Variants in MRPL1 observed in about 807,000 individuals in gnomAD.
MRPL1 encodes mitochondrial ribosomal protein L1, also known as large ribosomal subunit protein uL1m.
In MRPL1, 28 loss-of-function variants were observed where a neutral mutation model predicts 38.0. The ratio of observed to expected loss-of-function variants is 0.74; its 90% CI spans 0.55 to 1.01. MRPL1 has a LOEUF of 1.01. MRPL1 is among the 50% of genes least tolerant of loss of function. MRPL1 has a pLI of 0.00. For synonymous variants in MRPL1, 123 were observed against 126.7 expected, an observed-to-expected ratio of 0.97 and a Z score of 0.20; for missense variants, 358 against 389.8, an observed-to-expected ratio of 0.92 and a Z score of 0.69.
At chr4:77,931,737 C>T (rs1226316717) in intron 7 of MRPL1, among the ~76,000 whole-genome samples, 1 of 152,188 alleles carries the variant, frequency 6.6e-6, no homozygotes, top group African/African-American at 2.4e-5. Context: ...GGACAGCTTT[C>T]TGGTTTCACT....
At chr4:77,944,302 C>G (rs1737203403) in intron 7 of MRPL1, among the ~76,000 whole-genome samples, 1 of 152,224 alleles carries the variant, frequency 6.6e-6, no homozygotes. Context: ...CCTGTCGCAG[C>G]AATCCACTTC....
intron 5 of MRPL1, among the ~76,000 whole-genome samples, chr4:77,892,385 C>T (rs11942975): frequency 0.54 from 82,388 of 151,932 alleles, 22,657 homozygotes; most frequent in Admixed American, 0.58. Context: ...CAACCTTCCT[C>T]GGCCTCCCAA....
intron 4 of MRPL1, among the ~76,000 whole-genome samples, chr4:77,886,953 C>T (rs1399576917): frequency 2.6e-5 from 4 of 151,702 alleles, no homozygotes; most frequent in African/African-American, 7.3e-5. Context: ...CCACCACGTC[C>T]GGCCAATTTT....
intron 7 of MRPL1, among the ~76,000 whole-genome samples, chr4:77,948,783 T>C (rs1737336044): frequency 6.6e-6 from 1 of 151,774 alleles, no homozygotes; most frequent in Admixed American, 6.6e-5. Flanking sequence ...TTTTTTTTTT[T>C]TTTTGAGACA....
intron 8 of MRPL1, among the ~76,000 whole-genome samples, chr4:77,950,695 T>C (rs1361884070): frequency 6.6e-6 from 1 of 152,192 alleles, no homozygotes; most frequent in East Asian, 1.9e-4. Flanking sequence ...TACTAAGTAA[T>C]TGGATGTGTA....
intron 7 of MRPL1, among the ~76,000 whole-genome samples, chr4:77,921,590 A>C (rs1736581178): frequency 6.6e-6 from 1 of 152,192 alleles, no homozygotes; most frequent in South Asian, 2.1e-4. Context: ...AAAAGGCTAA[A>C]ATATCTTTGA....
intron 2 of MRPL1, among the ~76,000 whole-genome samples, chr4:77,881,926 A>G (rs1560461170): frequency 6.6e-6 from 1 of 152,162 alleles, no homozygotes; most frequent in Non-Finnish European, 1.5e-5. Flanking sequence ...CCTAAAATAC[A>G]GATGTTACTC....
chr4:77,918,097 TAG>T (rs1736465619), intron 7 of MRPL1, among the ~76,000 whole-genome samples: 1 of 150,382 alleles, frequency 6.6e-6, no homozygotes, highest in Non-Finnish European at 1.5e-5. Context: ...ATACATGATA[TAG>T]AAGTTACAGA....
chr4:77,942,292 A>G (rs754549553), intron 7 of MRPL1, among the ~76,000 whole-genome samples: 7 of 152,222 alleles, frequency 4.6e-5, no homozygotes, highest in East Asian at 1.9e-4. Context: ...CCTATGATCT[A>G]TCTTGGAGAC....
chr4:77,946,105 C>T (rs987704944), intron 7 of MRPL1, among the ~76,000 whole-genome samples: 6 of 152,052 alleles, frequency 3.9e-5, no homozygotes, highest in Admixed American at 6.6e-5. Flanking sequence ...TTATCTCAAC[C>T]GCGTAAGACA....
intron 7 of MRPL1, among the ~76,000 whole-genome samples, chr4:77,944,468 G>A (rs773842955): frequency 8.5e-5 from 13 of 152,096 alleles, no homozygotes; most frequent in Admixed American, 3.9e-4. Context: ...AAAGCCTTCC[G>A]TGTCAATTAC....
chr4:77,917,905 A>G (rs140787950), intron 7 of MRPL1, among the ~76,000 whole-genome samples: 278 of 152,050 alleles, frequency 1.8e-3, no homozygotes, highest in African/African-American at 6.1e-3. Context: ...AAAATACAAA[A>G]ATTAGCCAGG....
intron 6 of MRPL1, among the ~76,000 whole-genome samples, chr4:77,899,685 A>C (rs1322361180): frequency 1.3e-5 from 2 of 152,202 alleles, no homozygotes; most frequent in Non-Finnish European, 2.9e-5. Flanking sequence ...AGAAAAGAGA[A>C]GGTATTTTAG....
chr4:77,942,777 G>A (rs1453412645), intron 7 of MRPL1, among the ~76,000 whole-genome samples: 14 of 152,066 alleles, frequency 9.2e-5, no homozygotes, highest in Admixed American at 9.2e-4. Context: ...TTATGTGTTA[G>A]GTGAGTCTCT....
At chr4:77,874,900 G>A (rs1735359555) in intron 2 of MRPL1, among the ~76,000 whole-genome samples, 1 of 150,956 alleles carries the variant, frequency 6.6e-6, no homozygotes, top group African/African-American at 2.4e-5. Flanking sequence ...TCCTGCCTCA[G>A]CCTCCCGAGT....
At chr4:77,883,624 C>A in intron 3 of MRPL1, 124 bp downstream of exon 3, 1 of 1,003,682 alleles carries the variant, frequency 1.0e-6, no homozygotes, top group Non-Finnish European at 1.4e-6. Flanking sequence ...GTTGCCCAGG[C>A]TGGAGTGCGG....
intron 7 of MRPL1, among the ~76,000 whole-genome samples, chr4:77,938,398 A>G (rs1737038589): frequency 1.3e-5 from 2 of 152,120 alleles, no homozygotes; most frequent in African/African-American, 4.8e-5. Context: ...CTGACGGGGT[A>G]TTTTCTAAGA....
chr4:77,947,354 T>C (rs549653354), intron 7 of MRPL1, among the ~76,000 whole-genome samples: 69 of 152,354 alleles, frequency 4.5e-4, no homozygotes, highest in African/African-American at 1.5e-3. Flanking sequence ...GTTAAACATA[T>C]ATAGTTTTGT....
At chr4:77,951,234 G>A (rs1737401550) in intron 8 of MRPL1, among the ~76,000 whole-genome samples, 1 of 152,188 alleles carries the variant, frequency 6.6e-6, no homozygotes, top group South Asian at 2.1e-4. Flanking sequence ...TTAGTTTTTA[G>A]GGAATTTTAC....
Sources: allele counts gnomAD v4.1 joint callset (sites outside exome capture counted in the v4.1 genomes callset), GRCh38; gene constraint gnomAD v4.1.1; transcripts MANE v1.5; gene names NCBI Gene and HGNC (gene_info 2026-07-23, HGNC 2026-07-21).